The following ANXA8 variants were observed in gnomAD, a reference collection of about 807,000 sequenced individuals.
ANXA8 encodes annexin A8.
ANXA8 carries 9 observed loss-of-function variants against 26.8 expected under a neutral mutation model. The observed-to-expected ratio is 0.34, with a 90% CI of 0.20 to 0.59. The LOEUF (loss-of-function observed/expected upper bound fraction) is 0.59, where lower values mean the gene tolerates loss of function less well. Ranked by LOEUF, ANXA8 falls within the 20% of genes least tolerant of loss-of-function variation. The pLI is 0.84. For missense variants in ANXA8, 83 were observed against 238.5 expected, an observed-to-expected ratio of 0.35 and a Z score of 4.29; for synonymous variants, 39 against 94.8, an observed-to-expected ratio of 0.41 and a Z score of 3.42.
chr10:47,898,810 G>T, the ANXA8 span, among the ~76,000 whole-genome samples: 1 of 21,048 alleles, frequency 4.8e-5, no homozygotes, highest in Non-Finnish European at 9.8e-5. Context: ...AAAGAGAATG[G>T]ATTTTTTTTT....
At chr10:47,655,408 G>T in the ANXA8 span, among the ~76,000 whole-genome samples, 2 of 151,728 alleles carry the variant, frequency 1.3e-5, no homozygotes, top group Non-Finnish European at 2.9e-5. Context: ...GCACACAATT[G>T]AACAGTTGGA....
chr10:47,684,278 C>G, the ANXA8 span, among the ~76,000 whole-genome samples: 2 of 152,186 alleles, frequency 1.3e-5, no homozygotes, highest in Non-Finnish European at 2.9e-5. Flanking sequence ...TTCCCCCTGC[C>G]CTTGCCAGTT....
upstream of ANXA8, among the ~76,000 whole-genome samples, chr10:47,485,898 G>T: frequency 6.6e-6 from 1 of 151,980 alleles, no homozygotes; most frequent in South Asian, 2.1e-4. Flanking sequence ...CATGAGGTCA[G>T]GAGATCGAGA....
the ANXA8 span, chr10:47,510,316 T>A: frequency 8.7e-6 from 9 of 1,033,128 alleles, 2 homozygotes; most frequent in Admixed American, 6.1e-5. Flanking sequence ...AAAGTGTATT[T>A]TTTTCTCAGT....
At chr10:47,959,120 T>C in the ANXA8 span, among the ~76,000 whole-genome samples, 3 of 141,396 alleles carry the variant, frequency 2.1e-5, 1 homozygote, top group African/African-American at 8.5e-5. Context: ...GGGAGGTAGG[T>C]GGCCTTGGAG....
the ANXA8 span, among the ~76,000 whole-genome samples, chr10:47,707,050 A>T: frequency 7.0e-6 from 1 of 143,598 alleles, no homozygotes; most frequent in African/African-American, 2.4e-5. Flanking sequence ...GTTGTTTAAA[A>T]TAATGTAATC....
Position 47,482,041 on chromosome 10 carries a change from A to G in ANXA8, c.21+1872T>C, listed in dbSNP as rs1369212740. ...TGTCTCTATGAGAGACACAGAGGAA[A>G]AGGCAACACCAAAAAGAGAGGTGCA... On this transcript the variant is annotated intron_variant, in intron 1 of 11. Transcript: ENST00000585281. Among the ~76,000 whole-genome samples, 2 of 141,864 alleles carry G rather than the reference A, an allele frequency of 1.4e-5. 1 individual carries two copies. Among genetic ancestry groups the G allele is most frequent in the East Asian group, 5.7e-4 (2 of 3,510 alleles). 93.1% of individuals were successfully genotyped at this position (141,864 alleles called of 152,430 possible).
At chr10:47,714,455 A>G in the ANXA8 span, among the ~76,000 whole-genome samples, 2 of 115,274 alleles carry the variant, frequency 1.7e-5, no homozygotes, top group Admixed American at 1.8e-4. Flanking sequence ...AATGAGTGCT[A>G]AGAAACCCTC....
At chr10:47,707,182 AAAC>A in the ANXA8 span, among the ~76,000 whole-genome samples, 6 of 142,610 alleles carry the variant, frequency 4.2e-5, no homozygotes, top group East Asian at 1.1e-3. Flanking sequence ...AAACAAAAAA[AAAC>A]AAAAAAAAGA....
chr10:47,582,479 A>G, the ANXA8 span, among the ~76,000 whole-genome samples: 2 of 140,394 alleles, frequency 1.4e-5, no homozygotes, highest in Non-Finnish European at 3.0e-5. Flanking sequence ...GGAAGAGGCC[A>G]AGGATGTGGC....
the ANXA8 span, among the ~76,000 whole-genome samples, chr10:47,733,441 T>C: frequency 7.7e-6 from 1 of 129,160 alleles, no homozygotes; most frequent in Admixed American, 8.4e-5. Context: ...ACATCGTCCC[T>C]AGAATTCTAA....
At chr10:47,504,846 C>CTTTT in the ANXA8 span, among the ~76,000 whole-genome samples, 2 of 46,850 alleles carry the variant, frequency 4.3e-5, no homozygotes, top group African/African-American at 7.4e-5. Context: ...CATAACTGTT[C>CTTTT]TTTTTTTTTT....
At chr10:47,643,388 G>C in the ANXA8 span, among the ~76,000 whole-genome samples, 1 of 142,574 alleles carries the variant, frequency 7.0e-6, no homozygotes, top group Admixed American at 6.7e-5. Flanking sequence ...AATTAGCCGG[G>C]CATGGTTGTA....
At chr10:47,497,056 C>G in the ANXA8 span, among the ~76,000 whole-genome samples, 5 of 151,632 alleles carry the variant, frequency 3.3e-5, no homozygotes, top group Admixed American at 3.3e-4. Flanking sequence ...CGCAGTGGCT[C>G]ATGCCTCTAA....
chr10:47,726,872 C>T, the ANXA8 span: 1 of 1,565,278 alleles, frequency 6.4e-7, no homozygotes, highest in South Asian at 1.1e-5. Flanking sequence ...TGATGGAAGA[C>T]ATAATGTTTA....
chr10:47,733,245 T>G, the ANXA8 span, among the ~76,000 whole-genome samples: 117 of 81,262 alleles, frequency 1.4e-3, no homozygotes, highest in African/African-American at 6.0e-3. Flanking sequence ...CTTTCTTTCT[T>G]TCTTTCTTTC....
At chr10:47,900,781 A>G in the ANXA8 span, among the ~76,000 whole-genome samples, 20 of 134,856 alleles carry the variant, frequency 1.5e-4, no homozygotes, top group Non-Finnish European at 3.2e-4. Context: ...CTAATGAAAA[A>G]TATACTTGAT....
chr10:47,940,243 G>A, the ANXA8 span, among the ~76,000 whole-genome samples: 2,715 of 147,436 alleles, frequency 0.018, 39 homozygotes, highest in African/African-American at 0.067. Context: ...AACAAAGGGT[G>A]TAGGTTGTTA....
chr10:47,698,142 T>G, the ANXA8 span, among the ~76,000 whole-genome samples: 52 of 148,662 alleles, frequency 3.5e-4, no homozygotes, highest in African/African-American at 5.8e-4. Flanking sequence ...GCCTTTATTG[T>G]GAAAGACTGA....
Sources: allele counts gnomAD v4.1 joint callset (sites outside exome capture counted in the v4.1 genomes callset), GRCh38; gene constraint gnomAD v4.1.1; transcripts MANE v1.5; gene names NCBI Gene and HGNC (gene_info 2026-07-23, HGNC 2026-07-21).